The following CRIM1 variants were observed in gnomAD, a reference collection of about 807,000 sequenced individuals.
The protein encoded by CRIM1 is cysteine-rich motor neuron 1 protein.
In CRIM1, 32 loss-of-function variants were observed where a neutral mutation model predicts 116.4. The ratio of observed to expected loss-of-function variants is 0.27; its 90% CI spans 0.21 to 0.37. The LOEUF (loss-of-function observed/expected upper bound fraction) is 0.37, where lower values mean the gene tolerates loss of function less well. Among genes scored for constraint, CRIM1 ranks in the 10% least tolerant of loss-of-function variants. The pLI, the probability that CRIM1 is intolerant of heterozygous loss-of-function variation, is 1.00. For synonymous variants in CRIM1, 590 were observed against 509.2 expected, an observed-to-expected ratio of 1.16 and a Z score of -2.13; for missense variants, 1,331 against 1,354.8, an observed-to-expected ratio of 0.98 and a Z score of 0.28.
chr2:36,381,761 T>C (rs1670794434), intron 1 of CRIM1, among the ~76,000 whole-genome samples: 1 of 152,204 alleles, frequency 6.6e-6, no homozygotes, highest in Non-Finnish European at 1.5e-5. Flanking sequence ...TACTCCAGCC[T>C]GTATGATAGA....
chr2:36,524,186 A>G (rs562987230), intron 13 of CRIM1, among the ~76,000 whole-genome samples: 1 of 152,338 alleles, frequency 6.6e-6, no homozygotes, highest in East Asian at 1.9e-4. Flanking sequence ...GATATGTGGT[A>G]GCCCTGCATT....
intron 2 of CRIM1, among the ~76,000 whole-genome samples, chr2:36,420,561 CG>C (rs1053947761): frequency 6.6e-6 from 1 of 152,144 alleles, no homozygotes; most frequent in Non-Finnish European, 1.5e-5. Context: ...GCCATATGTA[CG>C]GGGTCTTAAG....
At chr2:36,483,544 C>T (rs1419231554) in intron 7 of CRIM1, among the ~76,000 whole-genome samples, 6 of 152,176 alleles carry the variant, frequency 3.9e-5, no homozygotes, top group East Asian at 3.9e-4. Flanking sequence ...TCATACAGCT[C>T]ATAAGTGACA....
chr2:36,505,809 T>A (rs1303616910), intron 8 of CRIM1, among the ~76,000 whole-genome samples: 1 of 152,086 alleles, frequency 6.6e-6, no homozygotes, highest in Non-Finnish European at 1.5e-5. Flanking sequence ...GTAGTGGTGC[T>A]GTGTTGAATC....
chr2:36,506,460 G>T (rs1022115631), intron 8 of CRIM1, among the ~76,000 whole-genome samples: 4 of 152,120 alleles, frequency 2.6e-5, no homozygotes, highest in African/African-American at 9.7e-5. Flanking sequence ...TCCTCTAGGG[G>T]ACACCATCCA....
chr2:36,455,701 T>A (rs914640467), intron 4 of CRIM1, among the ~76,000 whole-genome samples: 1 of 152,182 alleles, frequency 6.6e-6, no homozygotes, highest in Non-Finnish European at 1.5e-5. Context: ...ATGTGGGGAT[T>A]CTCAGTCTCA....
At chr2:36,498,677 G>A (rs1311849387) in intron 7 of CRIM1, among the ~76,000 whole-genome samples, 6 of 151,964 alleles carry the variant, frequency 3.9e-5, no homozygotes, top group African/African-American at 7.3e-5. Context: ...GTTATCTGTC[G>A]TATCATCTAC....
chr2:36,425,994 T>C (rs939354429), intron 2 of CRIM1, among the ~76,000 whole-genome samples: 12 of 152,208 alleles, frequency 7.9e-5, no homozygotes, highest in African/African-American at 2.9e-4. Context: ...CAATTGTTTT[T>C]AGCCCATTAT....
rs188764182 is a variant in CRIM1 at position 36,545,367 on chromosome 2, T to A, written c.2746+869T>A. Among the ~76,000 whole-genome samples, 17 of 152,290 alleles carry A rather than the reference T, an allele frequency of 1.1e-4. No homozygotes were observed. In the East Asian group the frequency reaches 3.1e-3, roughly 28 times the overall value. On this transcript the variant is annotated intron_variant, in intron 15 of 16. Coordinates refer to ENST00000280527, the MANE Select transcript of CRIM1 (RefSeq NM_016441.3). ...GTGTGCTTTAGCATTATGCTTACAT[T>A]CATTCAGTCAGTAAATATTAGTGCC...
chr2:36,484,804 G>A (rs1230951296), intron 7 of CRIM1, among the ~76,000 whole-genome samples: 1 of 152,134 alleles, frequency 6.6e-6, no homozygotes, highest in Non-Finnish European at 1.5e-5. Flanking sequence ...AACAACTTAG[G>A]TAATATTTTA....
At chr2:36,495,760 C>G (rs1366159649) in intron 7 of CRIM1, among the ~76,000 whole-genome samples, 1 of 151,844 alleles carries the variant, frequency 6.6e-6, no homozygotes, top group Non-Finnish European at 1.5e-5. Context: ...AAAAAATTGC[C>G]CTGACATTAG....
At chr2:36,395,905 G>A (rs1465335) in intron 1 of CRIM1, among the ~76,000 whole-genome samples, 65,535 of 151,896 alleles carry the variant, frequency 0.43, 14,135 homozygotes, top group Admixed American at 0.53. Flanking sequence ...TTTTAAACCT[G>A]AAGTTGGTCT....
At chr2:36,542,804 A>T (rs191104694) in intron 14 of CRIM1, among the ~76,000 whole-genome samples, 3 of 152,226 alleles carry the variant, frequency 2.0e-5, no homozygotes, top group Non-Finnish European at 2.9e-5. Flanking sequence ...CACACATGAG[A>T]GTTTTTCAGT....
chr2:36,415,735 A>G (rs1327717160), intron 2 of CRIM1, among the ~76,000 whole-genome samples: 1 of 152,178 alleles, frequency 6.6e-6, no homozygotes, highest in African/African-American at 2.4e-5. Flanking sequence ...CATTTAAATC[A>G]TTCTTCCTCC....
chr2:36,506,481 T>C (rs568867501), intron 8 of CRIM1, among the ~76,000 whole-genome samples: 5 of 152,312 alleles, frequency 3.3e-5, no homozygotes, highest in East Asian at 1.9e-4. Context: ...CAGTGTGTTC[T>C]CCATGGAGGT....
intron 13 of CRIM1, among the ~76,000 whole-genome samples, chr2:36,529,786 AC>A (rs1157967481): frequency 3.3e-5 from 5 of 152,186 alleles, no homozygotes; most frequent in African/African-American, 1.2e-4. Flanking sequence ...CTGAGCAATC[AC>A]CTATTTCTTT....
intron 4 of CRIM1, among the ~76,000 whole-genome samples, chr2:36,450,239 A>G (rs1030238559): frequency 2.6e-5 from 4 of 152,138 alleles, no homozygotes; most frequent in South Asian, 2.1e-4. Flanking sequence ...TGGTGCCCAC[A>G]CAGGCTCACC....
At chr2:36,476,787 T>TA in intron 5 of CRIM1, 102 bp from the exon 6 acceptor site, 1 of 889,726 alleles carries the variant, frequency 1.1e-6, no homozygotes, top group African/African-American at 1.7e-5. Context: ...CATCAACTTA[T>TA]AACCTCCTAT....
chr2:36,372,754 G>T (rs1670024735), intron 1 of CRIM1, among the ~76,000 whole-genome samples: 1 of 152,178 alleles, frequency 6.6e-6, no homozygotes, highest in African/African-American at 2.4e-5. Context: ...TTAGTGTATG[G>T]TTGGTGGCTT....
Sources: allele counts gnomAD v4.1 joint callset (sites outside exome capture counted in the v4.1 genomes callset), GRCh38; gene constraint gnomAD v4.1.1; transcripts MANE v1.5; gene names NCBI Gene and HGNC (gene_info 2026-07-23, HGNC 2026-07-21).